Variants in GPD2 observed in about 807,000 individuals in gnomAD.
GPD2 encodes glycerol-3-phosphate dehydrogenase, mitochondrial.
A neutral mutation model predicts 82.4 loss-of-function variants in GPD2; 54 were observed. The observed-to-expected ratio is 0.66, with a 90% confidence interval of 0.53 to 0.82. GPD2 has a LOEUF of 0.82. Ranked by LOEUF, GPD2 falls within the 40% of genes least tolerant of loss-of-function variation. GPD2 has a pLI of 0.00. For missense variants in GPD2, 748 were observed against 896.2 expected, an observed-to-expected ratio of 0.83 and a Z score of 2.11; for synonymous variants, 288 against 306.1, an observed-to-expected ratio of 0.94 and a Z score of 0.62.
chr2:156,449,108 ATT>A (rs1682464341), intron 1 of GPD2, among the ~76,000 whole-genome samples: 1 of 152,174 alleles, frequency 6.6e-6, no homozygotes, highest in Non-Finnish European at 1.5e-5. Flanking sequence ...CCCCCTGGTA[ATT>A]CAGAATAACC....
At chr2:156,409,456 GA>G in the GPD2 span, among the ~76,000 whole-genome samples, 2 of 152,116 alleles carry the variant, frequency 1.3e-5, no homozygotes, top group African/African-American at 2.4e-5. Context: ...AGTTCTTTGG[GA>G]AGCTGAGGTG....
the GPD2 span, among the ~76,000 whole-genome samples, chr2:156,410,656 G>T: frequency 7.2e-5 from 11 of 152,188 alleles, 1 homozygote; most frequent in Admixed American, 2.0e-4. Flanking sequence ...GAGCTTCCAG[G>T]TTTAACTTTG....
intron 6 of GPD2, among the ~76,000 whole-genome samples, chr2:156,528,421 T>C (rs1168123462): frequency 6.7e-6 from 1 of 150,060 alleles, no homozygotes; most frequent in Non-Finnish European, 1.5e-5. Context: ...TTTTTTTCTT[T>C]TATTTATTTA....
At chr2:156,484,822 A>C (rs1239886138) in intron 2 of GPD2, among the ~76,000 whole-genome samples, 1 of 152,234 alleles carries the variant, frequency 6.6e-6, no homozygotes, top group Non-Finnish European at 1.5e-5. Flanking sequence ...CCTGGGCAAC[A>C]CAGTGAGACT....
Position 156,557,579 on chromosome 2 carries a change from G to T in GPD2, c.1162G>T (p.Glu388Ter). Reference protein sequence around the residue: ...EVRNYLSCDVEVRRGDVLAAW... With the variant: ...EVRNYLSCDV Reference sequence around the variant, plus strand: ...GCGTAATTACCTGAGTTGTGATGTTGAAGGTAACTAAGCATTCCTTTAAGT... The same window carrying T: ...GCGTAATTACCTGAGTTGTGATGTTTAAGGTAACTAAGCATTCCTTTAAGT... Residue 388 changes from glutamate (E) to a stop codon, truncating the protein, a stop_gained, in exon 9 of 17, where the codon GAA becomes TAA. Transcript: ENST00000438166. LOFTEE classifies it high-confidence loss of function. 3.2e-6 allele frequency: 5 copies of T among 1,540,468 alleles called. No homozygotes were observed. The highest frequency in any genetic ancestry group is 4.5e-6 in the Non-Finnish European group (5 of 1,112,956).
At chr2:156,470,650 G>C (rs937731140) in intron 1 of GPD2, among the ~76,000 whole-genome samples, 2 of 152,194 alleles carry the variant, frequency 1.3e-5, no homozygotes, top group Non-Finnish European at 2.9e-5. Flanking sequence ...AAATTTGCTT[G>C]TGCATAGTTG....
chr2:156,537,089 G>C (rs865902318), intron 6 of GPD2, among the ~76,000 whole-genome samples: 1 of 152,206 alleles, frequency 6.6e-6, no homozygotes, highest in South Asian at 2.1e-4. Context: ...TCTGTTTGAC[G>C]TCTACAGTGG....
chr2:156,425,038 T>A, the GPD2 span, among the ~76,000 whole-genome samples: 7 of 152,144 alleles, frequency 4.6e-5, no homozygotes, highest in African/African-American at 1.7e-4. Context: ...GTTTCCTCAG[T>A]TCATATTCAA....
chr2:156,556,635 T>G (rs1285871965), intron 8 of GPD2, among the ~76,000 whole-genome samples: 1 of 152,220 alleles, frequency 6.6e-6, no homozygotes, highest in East Asian at 1.9e-4. Context: ...CATTGTACCT[T>G]GATTTAACAT....
chr2:156,420,184 C>A, the GPD2 span, among the ~76,000 whole-genome samples: 1 of 151,166 alleles, frequency 6.6e-6, no homozygotes, highest in African/African-American at 2.4e-5. Context: ...TATTTCTTTC[C>A]TTTTTTTTTC....
intron 9 of GPD2, among the ~76,000 whole-genome samples, chr2:156,559,137 A>G (rs181562895): frequency 3.1e-4 from 47 of 151,960 alleles, no homozygotes; most frequent in Non-Finnish European, 5.6e-4. Context: ...TACTGGAGAA[A>G]CCACCTATTC....
chr2:156,571,236 C>T lies in GPD2; in HGVS notation c.1711C>T (p.Pro571Ser), dbSNP rs750452923. The T allele has an allele frequency of 6.4e-5, 104 of 1,612,470 alleles. 1 individual carries two copies. The South Asian group carries it at 1.1e-3, about 17-fold the overall frequency. ...TGTCCAGGCAGCAGAGGAAGCCCTA[C>T]CCAGGATTGTTGAACTGATGGGCAG... ...LNVQAAEEALPRIVELMGREL... is the reference protein window; with the variant it reads ...LNVQAAEEALSRIVELMGREL... Residue 571 changes from proline to serine, a missense_variant, in exon 13 of 17, where the codon CCC (proline) becomes TCC (serine). Physicochemically the swap from Pro to Ser is moderately conservative, Grantham distance 74 (BLOSUM62 -1). Around this residue, in one of 3 missense-constraint regions of GPD2, gnomAD observed 692 missense variants for 809.7 expected, o/e 0.85. Transcript: ENST00000438166.
chr2:156,463,914 C>T (rs896851058), intron 1 of GPD2, among the ~76,000 whole-genome samples: 1 of 152,140 alleles, frequency 6.6e-6, no homozygotes, highest in Admixed American at 6.5e-5. Context: ...ACATCTTATG[C>T]AGAATAACTA....
intron 6 of GPD2, among the ~76,000 whole-genome samples, chr2:156,547,492 G>T (rs1040248006): frequency 6.6e-6 from 1 of 152,184 alleles, no homozygotes; most frequent in African/African-American, 2.4e-5. Context: ...TATGAACCAT[G>T]GCAGACGAGG....
In GPD2 at chr2:156,583,270, A is replaced by G; in HGVS notation, c.*352A>G. On this transcript the variant is annotated 3_prime_UTR_variant, in exon 17 of 17. Transcript: ENST00000438166. ...AACATAATATTTTGGCAAAAATTGA[A>G]AAAAGCTGGAGACATTTTGTGACAT... 1 of 315,236 alleles carries G rather than the reference A, an allele frequency of 3.2e-6. No homozygotes were observed. Among genetic ancestry groups the G allele is most frequent in the Non-Finnish European group, 6.2e-6 (1 of 161,426 alleles). 19.5% of individuals were successfully genotyped at this position (315,236 alleles called of 1,614,324 possible).
intron 8 of GPD2, 136 bp from the exon 9 acceptor site, chr2:156,557,253 A>AG (rs1381428740): frequency 1.5e-6 from 1 of 688,166 alleles, no homozygotes; most frequent in Non-Finnish European, 2.6e-6. Context: ...AGATTAGGGT[A>AG]GGGGAAGTGC....
chr2:156,462,600 C>G (rs1683028546), intron 1 of GPD2, among the ~76,000 whole-genome samples: 1 of 152,066 alleles, frequency 6.6e-6, no homozygotes, highest in Admixed American at 6.6e-5. Context: ...CCGCACCTAG[C>G]CTGACATTCT....
Position 156,535,574 on chromosome 2 carries a change from T to TTTTTG in GPD2, c.662-14021_662-14017dup, listed in dbSNP as rs554260597. Among the ~76,000 whole-genome samples the TTTTTG allele has an allele frequency of 1.4e-3, 209 of 152,256 alleles. 4 individuals carry two copies. The highest frequency in any genetic ancestry group is 4.3e-3 in the African/African-American group (178 of 41,550). On this transcript the variant is annotated intron_variant, in intron 6 of 16. Coordinates refer to ENST00000438166, the MANE Select transcript of GPD2 (RefSeq NM_000408.5). ...ACCCAGATTTTCTTGTTGTTGTTTT[T>TTTTTG]TTTTGTTTTGTTTTGTTAGTTGTCT... is the stretch of plus-strand genomic sequence containing the variant.
At chr2:156,451,494 A>T (rs184913) in intron 1 of GPD2, among the ~76,000 whole-genome samples, 1 of 53,248 alleles carries the variant, frequency 1.9e-5, no homozygotes, top group Non-Finnish European at 3.3e-5. Flanking sequence ...CCCTCCCGGA[A>T]GGGGCGGCTG....
Sources: gnomAD v4.1 joint callset for allele counts (sites outside exome capture counted in the v4.1 genomes callset) on GRCh38, gnomAD v4.1.1 for gene constraint, gnomAD v4.1.1 regional missense constraint, MANE v1.5 for transcripts, NCBI Gene and HGNC (gene_info 2026-07-23, HGNC 2026-07-21) for gene names.